The following CHD6 variants were observed in gnomAD, a reference collection of about 807,000 sequenced individuals.
CHD6 encodes the protein ATP-dependent chromatin remodeler CHD6.
CHD6 carries 50 observed loss-of-function variants against 276.9 expected under a neutral mutation model. The ratio of observed to expected loss-of-function variants is 0.18; its 90% CI spans 0.14 to 0.23. The LOEUF (loss-of-function observed/expected upper bound fraction) is 0.23. CHD6 is among the 10% of genes least tolerant of loss of function. The probability of loss-of-function intolerance (pLI) is 1.00; values close to 1 mark genes in which losing one functional copy is unlikely to be tolerated. For missense variants in CHD6, 2,564 were observed against 3,365.8 expected, an observed-to-expected ratio of 0.76 and a Z score of 5.89; for synonymous variants, 1,173 against 1,229.3, an observed-to-expected ratio of 0.95 and a Z score of 0.96.
At chr20:41,586,343 T>C (rs753387972) in intron 1 of CHD6, among the ~76,000 whole-genome samples, 2 of 152,224 alleles carry the variant, frequency 1.3e-5, no homozygotes, top group African/African-American at 2.4e-5. Context: ...GAGGTGCCCA[T>C]TGCCACTCCT....
chr20:41,584,727 T>A (rs2045575489), intron 1 of CHD6, among the ~76,000 whole-genome samples: 2 of 151,726 alleles, frequency 1.3e-5, no homozygotes, highest in Non-Finnish European at 2.9e-5. Flanking sequence ...AAAAAGGAAG[T>A]AACAAGGGAA....
intron 28 of CHD6, among the ~76,000 whole-genome samples, chr20:41,425,816 A>T (rs1204847210): frequency 6.6e-6 from 1 of 152,134 alleles, no homozygotes; most frequent in Non-Finnish European, 1.5e-5. Flanking sequence ...AAACAAAAAA[A>T]ACCCGATGTC....
intron 3 of CHD6, among the ~76,000 whole-genome samples, chr20:41,517,643 C>T (rs2145987269): frequency 6.6e-6 from 1 of 152,350 alleles, no homozygotes. Context: ...GAGTCTTTAT[C>T]TCATGTTATG....
intron 31 of CHD6, 71 bp from the exon 32 acceptor site, chr20:41,417,420 G>T: frequency 7.5e-7 from 1 of 1,336,374 alleles, no homozygotes. Flanking sequence ...TGAGAGATTA[G>T]GATATCCTCT....
chr20:41,585,279 G>A (rs1191850303), intron 1 of CHD6, among the ~76,000 whole-genome samples: 7 of 152,166 alleles, frequency 4.6e-5, no homozygotes, highest in South Asian at 2.1e-4. Context: ...CGAGGCAGGC[G>A]GATCACCTGA....
At position 41,425,367 on chromosome 20, in the gene CHD6, G is replaced by A. The variant is rs764458413; in HGVS notation, c.4157C>T (p.Ser1386Leu). 5.0e-6 allele frequency: 8 copies of A among 1,613,946 alleles called. No homozygotes were observed. The highest frequency in any genetic ancestry group is 2.7e-5 in the African/African-American group (2 of 74,922). Residue 1386 changes from serine (S) to leucine (L), a missense_variant, in exon 29 of 37, where the codon TCG becomes TTG. Ser to Leu is a moderately radical substitution (Grantham distance 145). Coordinates refer to ENST00000373233, the MANE Select transcript of CHD6 (RefSeq NM_032221.5). ...GAGGGCGGAGGAAACTGGCCAGGGC[G>A]ATTTGTCTGGGTCGGAGCCATCCTG... ...AAQDGSDPDK[S>L]PWPVSSALTA...
chr20:41,557,412 C>A (rs1408572731), intron 1 of CHD6, among the ~76,000 whole-genome samples: 1 of 147,072 alleles, frequency 6.8e-6, no homozygotes, highest in Non-Finnish European at 1.5e-5. Flanking sequence ...GTTTTCTTTT[C>A]TTTTTTTTTT....
At chr20:41,546,212 T>C (rs1190430058) in intron 2 of CHD6, among the ~76,000 whole-genome samples, 2 of 152,022 alleles carry the variant, frequency 1.3e-5, no homozygotes, top group East Asian at 1.9e-4. Flanking sequence ...GAAAATAAGG[T>C]CTAATAATCT....
intron 1 of CHD6, among the ~76,000 whole-genome samples, chr20:41,552,841 C>T (rs1313804096): frequency 4.6e-5 from 7 of 152,048 alleles, no homozygotes; most frequent in Admixed American, 4.6e-4. Context: ...CAGGCATGAT[C>T]GGGTGCTAAG....
chr20:41,584,182 A>C (rs1454770545), intron 1 of CHD6, among the ~76,000 whole-genome samples: 2 of 152,150 alleles, frequency 1.3e-5, no homozygotes, highest in Non-Finnish European at 2.9e-5. Flanking sequence ...TAATCAAAAG[A>C]AAGCTAGAGA....
At chr20:41,574,640 T>A (rs2045454088) in intron 1 of CHD6, among the ~76,000 whole-genome samples, 1 of 152,096 alleles carries the variant, frequency 6.6e-6, no homozygotes, top group South Asian at 2.1e-4. Flanking sequence ...TATCAGTGAG[T>A]CTAAAGAATA....
chr20:41,449,676 C>T (rs1391043681), intron 23 of CHD6, among the ~76,000 whole-genome samples: 1 of 152,168 alleles, frequency 6.6e-6, no homozygotes, highest in African/African-American at 2.4e-5. Context: ...GGCGACATAT[C>T]CTTTTTTCTT....
intron 1 of CHD6, among the ~76,000 whole-genome samples, chr20:41,616,002 T>C (rs919165328): frequency 1.2e-4 from 18 of 152,232 alleles, no homozygotes; most frequent in African/African-American, 4.1e-4. Context: ...AAATCACAAA[T>C]AAGATGTGGC....
chr20:41,538,358 T>TA (rs2044876416), intron 2 of CHD6, among the ~76,000 whole-genome samples: 1 of 151,110 alleles, frequency 6.6e-6, no homozygotes, highest in African/African-American at 2.4e-5. Context: ...CTCAAAAAAA[T>TA]AAAAAATAAA....
At chr20:41,437,457 G>C (rs950685182) in intron 26 of CHD6, 123 bp from the exon 27 acceptor site, 1 of 614,376 alleles carries the variant, frequency 1.6e-6, no homozygotes, top group African/African-American at 1.8e-5. Context: ...CAGGGCGAGA[G>C]AGAGAGATCA....
intron 1 of CHD6, among the ~76,000 whole-genome samples, chr20:41,566,003 T>C (rs745860749): frequency 6.6e-6 from 1 of 152,148 alleles, no homozygotes; most frequent in Non-Finnish European, 1.5e-5. Flanking sequence ...GCTGGCTCCA[T>C]GGAGTAAGAC....
intron 1 of CHD6, among the ~76,000 whole-genome samples, chr20:41,611,911 T>A (rs2045891165): frequency 6.6e-6 from 1 of 152,216 alleles, no homozygotes. Flanking sequence ...GTGCTGGGAT[T>A]ACAGGTGTGA....
chr20:41,584,445 A>G (rs2045572025), intron 1 of CHD6, among the ~76,000 whole-genome samples: 2 of 152,188 alleles, frequency 1.3e-5, no homozygotes, highest in Non-Finnish European at 2.9e-5. Context: ...ATTTCTATCT[A>G]GAAGATACCA....
chr20:41,609,191 T>C (rs990960577), intron 1 of CHD6, among the ~76,000 whole-genome samples: 5 of 152,164 alleles, frequency 3.3e-5, no homozygotes, highest in African/African-American at 1.2e-4. Context: ...GGCATGTCTG[T>C]AGTCCCAGCT....
Sources: gnomAD v4.1 joint callset for allele counts (sites outside exome capture counted in the v4.1 genomes callset) on GRCh38, gnomAD v4.1.1 for gene constraint, MANE v1.5 for transcripts, NCBI Gene and HGNC (gene_info 2026-07-23, HGNC 2026-07-21) for gene names.